SND1: variants seen among roughly 807,000 people sequenced by gnomAD.
SND1 encodes staphylococcal nuclease domain-containing protein 1.
SND1 carries 38 observed loss-of-function variants against 121.7 expected under a neutral mutation model. The observed-to-expected ratio is 0.31, with a 90% CI of 0.24 to 0.41. SND1 has a LOEUF of 0.41. Among genes scored for constraint, SND1 ranks in the 10% least tolerant of loss-of-function variants. The probability of loss-of-function intolerance (pLI) is 1.00; values close to 1 mark genes in which losing one functional copy is unlikely to be tolerated. For synonymous variants in SND1, 401 were observed against 447.4 expected (o/e 0.90, Z 1.31); for missense variants, 868 against 1,184.6 (o/e 0.73, Z 3.92).
chr7:127,974,367 T>G (rs1051963355), intron 15 of SND1, among the ~76,000 whole-genome samples: 1 of 152,210 alleles, frequency 6.6e-6, no homozygotes, highest in African/African-American at 2.4e-5. Context: ...ACTTGAAGAT[T>G]CGTTCATGCT....
At chr7:127,773,529 T>C (rs1383883066) in intron 10 of SND1, among the ~76,000 whole-genome samples, 2 of 152,188 alleles carry the variant, frequency 1.3e-5, no homozygotes. Flanking sequence ...GCAAACATAT[T>C]TTGAAATTAG....
intron 15 of SND1, among the ~76,000 whole-genome samples, chr7:127,962,937 T>A (rs1487860644): frequency 6.6e-6 from 1 of 152,272 alleles, no homozygotes; most frequent in Admixed American, 6.5e-5. Flanking sequence ...AATGACTCCA[T>A]GATCTCTTAG....
Position 127,844,374 on chromosome 7 carries a change from A to G in SND1, c.1293A>G (p.Thr431=), listed in dbSNP as rs1198359155. The G allele has an allele frequency of 6.8e-6, 11 of 1,613,712 alleles. No homozygotes were observed. Among genetic ancestry groups the G allele is most frequent in the Non-Finnish European group, 8.5e-6 (10 of 1,179,780 alleles). The change falls in exon 12 of 24, where the codon ACA becomes ACG. Residue 431 remains threonine (T), a synonymous_variant. Coordinates refer to ENST00000354725, the MANE Select transcript of SND1 (RefSeq NM_014390.4). ...GACCAGCCAGCCCAGCCACAGAGACAGTGCCTGCCTTTTCAGAGCGTACCT... is the reference window on the plus strand; with the variant it reads ...GACCAGCCAGCCCAGCCACAGAGACGGTGCCTGCCTTTTCAGAGCGTACCT... The part of the protein sequence containing the change: ...YIRPASPATE[T]VPAFSERTCA...
At chr7:127,990,560 G>C (rs755171318) in intron 15 of SND1, among the ~76,000 whole-genome samples, 48 of 152,224 alleles carry the variant, frequency 3.2e-4, no homozygotes, top group Non-Finnish European at 6.3e-4. Context: ...GAATGGCTGG[G>C]ATATCAGTAG....
chr7:128,008,846 ATTTAAT>A (rs1803046555), intron 16 of SND1, among the ~76,000 whole-genome samples: 1 of 152,162 alleles, frequency 6.6e-6, no homozygotes, highest in African/African-American at 2.4e-5. Context: ...TTTTCCAGCA[ATTTAAT>A]TTTATTAACT....
At chr7:127,679,551 C>T (rs1360401413) in intron 1 of SND1, among the ~76,000 whole-genome samples, 2 of 152,088 alleles carry the variant, frequency 1.3e-5, no homozygotes, top group Non-Finnish European at 2.9e-5. Context: ...ATATTTTCAT[C>T]ACCTCCAAAG....
At chr7:128,046,325 G>T (rs1444029283) in intron 16 of SND1, among the ~76,000 whole-genome samples, 1 of 144,314 alleles carries the variant, frequency 6.9e-6, no homozygotes, top group East Asian at 2.1e-4. Context: ...GTTTTTTGGG[G>T]TTTTTTGTTT....
rs189848777 is a variant in SND1 at position 127,993,427 on chromosome 7, G to T, written c.1779+2371G>T. ...ACTCCTGGATGCAGAGGTCCTTCCC[G>T]CCCTCAGCAGAAGTCCTGAGCAATG... On this transcript the variant is annotated intron_variant, in intron 16 of 23. Coordinates refer to ENST00000354725, the MANE Select transcript of SND1 (RefSeq NM_014390.4). Among the ~76,000 whole-genome samples the T allele has an allele frequency of 1.1e-3, 163 of 152,266 alleles. 2 individuals carry two copies. The Middle Eastern group carries it at 0.02, about 19-fold the overall frequency.
At chr7:127,722,478 C>G (rs1273620936) in intron 10 of SND1, among the ~76,000 whole-genome samples, 1 of 151,668 alleles carries the variant, frequency 6.6e-6, no homozygotes, top group African/African-American at 2.4e-5. Flanking sequence ...GCCACTGCAC[C>G]CAACTTATCT....
At chr7:127,774,205 ATG>A (rs1471122636) in intron 10 of SND1, among the ~76,000 whole-genome samples, 3 of 152,210 alleles carry the variant, frequency 2.0e-5, no homozygotes, top group Non-Finnish European at 4.4e-5. Context: ...GTGGGACAAG[ATG>A]TGGAGATTCA....
intron 16 of SND1, among the ~76,000 whole-genome samples, chr7:128,019,723 A>C (rs146541891): frequency 6.6e-6 from 1 of 152,244 alleles, no homozygotes; most frequent in South Asian, 2.1e-4. Flanking sequence ...ACTTGAAACC[A>C]TCATGAAGAA....
intron 10 of SND1, among the ~76,000 whole-genome samples, chr7:127,796,855 A>G (rs1563016688): frequency 1.3e-5 from 2 of 149,266 alleles, no homozygotes; most frequent in African/African-American, 2.5e-5. Context: ...CCACAAAGTC[A>G]TAAGTAAGTC....
intron 2 of SND1, among the ~76,000 whole-genome samples, chr7:127,693,395 A>G (rs906773882): frequency 6.6e-6 from 1 of 152,190 alleles, no homozygotes. Flanking sequence ...TCATTTTTGC[A>G]TCTTTAAGAA....
chr7:128,021,324 G>T (rs1222456709), intron 16 of SND1, among the ~76,000 whole-genome samples: 1 of 152,236 alleles, frequency 6.6e-6, no homozygotes, highest in Non-Finnish European at 1.5e-5. Flanking sequence ...CCTATTGTGA[G>T]GGATGCACTC....
At chr7:127,669,880 C>T (rs806166) in intron 1 of SND1, among the ~76,000 whole-genome samples, 110,544 of 152,170 alleles carry the variant, frequency 0.73, 41,648 homozygotes, top group African/African-American at 0.92. Flanking sequence ...AAATTCAGCA[C>T]CTTGCAGATT....
intron 10 of SND1, among the ~76,000 whole-genome samples, chr7:127,791,115 A>G (rs1584575125): frequency 6.8e-6 from 1 of 146,696 alleles, no homozygotes. Flanking sequence ...TCAGCAGAGT[A>G]TTGAATGAAA....
At chr7:128,058,309 A>G (rs1489723308) in intron 16 of SND1, among the ~76,000 whole-genome samples, 1 of 152,268 alleles carries the variant, frequency 6.6e-6, no homozygotes, top group Admixed American at 6.5e-5. Flanking sequence ...TTATTGTTCT[A>G]AGAGCTTGAT....
At chr7:127,757,493 C>G (rs1309035313) in intron 10 of SND1, among the ~76,000 whole-genome samples, 7 of 152,116 alleles carry the variant, frequency 4.6e-5, no homozygotes, top group African/African-American at 1.7e-4. Flanking sequence ...GTTAGTACTC[C>G]CAAACACTTT....
chr7:128,030,763 G>A, intron 16 of SND1: 5 of 1,262,708 alleles, frequency 4.0e-6, no homozygotes, highest in Non-Finnish European at 2.2e-6. Context: ...GTGGGGAGGG[G>A]GCGATTAGAG....
Sources: gnomAD v4.1 joint callset for allele counts (sites outside exome capture counted in the v4.1 genomes callset) on GRCh38, gnomAD v4.1.1 for gene constraint, MANE v1.5 for transcripts, NCBI Gene and HGNC (gene_info 2026-07-23, HGNC 2026-07-21) for gene names.